FRMD4B: variants seen among roughly 807,000 people sequenced by gnomAD.
The protein encoded by FRMD4B is FERM domain containing 4B.
Under a neutral mutation model 141.5 loss-of-function variants are expected in FRMD4B, and 74 were observed. The ratio of observed to expected loss-of-function variants is 0.52; its 90% CI spans 0.43 to 0.63. The LOEUF (loss-of-function observed/expected upper bound fraction) is 0.63, where lower values mean the gene tolerates loss of function less well. Ranked by LOEUF, FRMD4B falls within the 30% of genes least tolerant of loss-of-function variation. The pLI is 0.00. For missense variants in FRMD4B, 1,366 were observed against 1,253.4 expected, an observed-to-expected ratio of 1.09 and a Z score of -1.36; for synonymous variants, 506 against 467.9, an observed-to-expected ratio of 1.08 and a Z score of -1.05.
At chr3:69,330,754 C>T (rs1702343902) in intron 1 of FRMD4B, among the ~76,000 whole-genome samples, 1 of 152,088 alleles carries the variant, frequency 6.6e-6, no homozygotes, top group South Asian at 2.1e-4. Flanking sequence ...GTCTCAGCCT[C>T]CCAAAGTGCT....
chr3:69,341,404 TA>T (rs1420395345), intron 1 of FRMD4B, among the ~76,000 whole-genome samples: 4 of 152,150 alleles, frequency 2.6e-5, no homozygotes, highest in Non-Finnish European at 5.9e-5. Flanking sequence ...CAAGGCCAAA[TA>T]CCAAGAGGGA....
At chr3:69,426,501 A>T (rs1705080059) in intron 2 of FRMD4B, among the ~76,000 whole-genome samples, 1 of 152,118 alleles carries the variant, frequency 6.6e-6, no homozygotes, top group African/African-American at 2.4e-5. Flanking sequence ...CTGTTTCAGG[A>T]AGTATTGTGA....
chr3:69,347,584 A>G (rs1702989638), intron 1 of FRMD4B, among the ~76,000 whole-genome samples: 1 of 152,240 alleles, frequency 6.6e-6, no homozygotes, highest in East Asian at 1.9e-4. Context: ...AGTTGGAAGT[A>G]AAGCATTCCT....
At chr3:69,228,655 T>C in intron 7 of FRMD4B, 2 of 340,620 alleles carry the variant, frequency 5.9e-6, no homozygotes. Flanking sequence ...GGCAACACAG[T>C]GAGACCTTGT....
At chr3:69,458,413 C>T (rs570698792) in intron 1 of FRMD4B, among the ~76,000 whole-genome samples, 1 of 152,102 alleles carries the variant, frequency 6.6e-6, no homozygotes, top group Non-Finnish European at 1.5e-5. Flanking sequence ...AAAAACTAGT[C>T]TAGTCTGAGA....
At chr3:69,217,525 G>A (rs190926950) in intron 10 of FRMD4B, among the ~76,000 whole-genome samples, 1 of 152,184 alleles carries the variant, frequency 6.6e-6, no homozygotes, top group African/African-American at 2.4e-5. Flanking sequence ...TGTGGGCTGA[G>A]GCAGGAGAAT....
chr3:69,334,498 A>G (rs1256104777), intron 1 of FRMD4B: 1 of 151,918 alleles, frequency 6.6e-6, no homozygotes, highest in Non-Finnish European at 1.5e-5. Flanking sequence ...TTAAAAAAAT[A>G]CAATAGTGGG....
chr3:69,319,794 G>A (rs576656761), intron 1 of FRMD4B, among the ~76,000 whole-genome samples: 1 of 152,238 alleles, frequency 6.6e-6, no homozygotes, highest in East Asian at 1.9e-4. Context: ...AAAGCCCAAA[G>A]CACTTAACCA....
chr3:69,296,906 C>G (rs1271331976), intron 4 of FRMD4B, among the ~76,000 whole-genome samples: 2 of 152,046 alleles, frequency 1.3e-5, no homozygotes, highest in Non-Finnish European at 2.9e-5. Context: ...GAAAATCATC[C>G]CTACAATCAT....
chr3:69,254,236 C>T (rs1251008605), intron 5 of FRMD4B, among the ~76,000 whole-genome samples: 1 of 152,072 alleles, frequency 6.6e-6, no homozygotes, highest in Admixed American at 6.6e-5. Context: ...TCCCAAGTAG[C>T]TGGGATTACA....
At position 69,277,805 on chromosome 3, in the gene FRMD4B, C is replaced by T. The variant is rs912879192; in HGVS notation, c.501+9947G>A. ...TTGGCCTCCCAAAGTGATGGGATTA[C>T]AGGCGTGAGCCACAGCGCCCGTCCA... On this transcript the variant is annotated intron_variant, in intron 5 of 22. Transcript: ENST00000398540. Among the ~76,000 whole-genome samples the T allele has an allele frequency of 1.1e-4, 17 of 151,920 alleles. No homozygotes were observed. The South Asian group carries it at 1.2e-3, about 11-fold the overall frequency.
intron 2 of FRMD4B, among the ~76,000 whole-genome samples, chr3:69,422,352 A>T (rs967806508): frequency 6.7e-6 from 1 of 148,254 alleles, no homozygotes; most frequent in Non-Finnish European, 1.5e-5. Flanking sequence ...ATGCCACTGC[A>T]CTCCAGCCTG....
At chr3:69,526,627 A>G (rs1700934416) in intron 1 of FRMD4B, among the ~76,000 whole-genome samples, 1 of 152,088 alleles carries the variant, frequency 6.6e-6, no homozygotes. Flanking sequence ...CGGTGCCTCC[A>G]TTTTCTGGTC....
intron 2 of FRMD4B, among the ~76,000 whole-genome samples, chr3:69,430,962 T>A (rs1265837473): frequency 6.6e-6 from 1 of 152,120 alleles, no homozygotes; most frequent in East Asian, 1.9e-4. Flanking sequence ...GCTCCTTTAG[T>A]AGAGAAGCCA....
At chr3:69,390,270 G>A (rs942271920), upstream of FRMD4B, among the ~76,000 whole-genome samples, 6 of 152,172 alleles carry the variant, frequency 3.9e-5, no homozygotes, top group Non-Finnish European at 8.8e-5. Flanking sequence ...TCATTTTTCA[G>A]CTGTACTCTC....
At chr3:69,488,055 A>T (rs1052803256) in intron 1 of FRMD4B, among the ~76,000 whole-genome samples, 4 of 152,132 alleles carry the variant, frequency 2.6e-5, no homozygotes, top group Admixed American at 6.5e-5. Flanking sequence ...AAAGAAAGAA[A>T]GAACAAAAGA....
chr3:69,485,379 A>C (rs376173478), intron 1 of FRMD4B, among the ~76,000 whole-genome samples: 6 of 152,288 alleles, frequency 3.9e-5, no homozygotes, highest in African/African-American at 1.4e-4. Flanking sequence ...GCACAGCTGG[A>C]GCTGCACCAG....
chr3:69,342,316 G>C (rs1702766642), intron 1 of FRMD4B, among the ~76,000 whole-genome samples: 1 of 152,196 alleles, frequency 6.6e-6, no homozygotes. Flanking sequence ...TCCAGACAAA[G>C]TGCAGAGTCA....
chr3:69,407,460 C>T (rs1704669239), intron 2 of FRMD4B, among the ~76,000 whole-genome samples: 1 of 152,132 alleles, frequency 6.6e-6, no homozygotes, highest in Non-Finnish European at 1.5e-5. Context: ...TCCCTAACCT[C>T]AAGACAACTA....
Sources: allele counts gnomAD v4.1 joint callset (sites outside exome capture counted in the v4.1 genomes callset), GRCh38; gene constraint gnomAD v4.1.1; transcripts MANE v1.5; gene names NCBI Gene and HGNC (gene_info 2026-07-23, HGNC 2026-07-21).